Variants in ZNF331 observed in about 807,000 individuals in gnomAD.
The protein encoded by ZNF331 is C2H2-like zinc finger protein rearranged in thyroid adenomas.
In ZNF331, 2 loss-of-function variants were observed where a neutral mutation model predicts 7.0. The observed-to-expected ratio is 0.29, with a 90% CI of 0.12 to 0.90. The LOEUF is 0.90. Among genes scored for constraint, ZNF331 ranks in the 40% least tolerant of loss-of-function variants. The pLI is 0.58. For synonymous variants in ZNF331, 196 were observed against 205.4 expected (o/e 0.95, Z 0.39); for missense variants, 432 against 587.7 (o/e 0.74, Z 2.74).
intron 2 of ZNF331, among the ~76,000 whole-genome samples, chr19:53,526,861 A>C (rs932269648): frequency 2.0e-5 from 3 of 151,284 alleles, no homozygotes; most frequent in African/African-American, 7.3e-5. Flanking sequence ...CCGGGAACTA[A>C]TTTTTTTTAT....
chr19:53,519,487 T>G (rs1343402152), upstream of ZNF331, among the ~76,000 whole-genome samples: 1 of 152,108 alleles, frequency 6.6e-6, no homozygotes, highest in Non-Finnish European at 1.5e-5. Flanking sequence ...AAGGCCCAAC[T>G]ACAAAAACCA....
In ZNF331 at chr19:53,539,929, G is replaced by A. The variant is rs10420606; in HGVS notation, c.-138+647G>A. On this transcript the variant is annotated intron_variant, in intron 2 of 5. Transcript: ENST00000449416. The surrounding 1 kb of genome is among the most constrained non-coding windows in gnomAD (Gnocchi z 6.1). ...CAAAGAAGTAAGTTTAGTTATAACC[G>A]TAAGAAAGAAAAATGCACCTGACAT... 0.37 allele frequency among the ~76,000 whole-genome samples: 56,855 copies of A among 152,008 alleles called. 10,964 individuals are homozygous for A. Among genetic ancestry groups the A allele is most frequent in the African/African-American group, 0.47 (19,566 of 41,428 alleles).
chr19:53,548,385 A>G (rs2088765785), intron 2 of ZNF331, among the ~76,000 whole-genome samples: 1 of 152,116 alleles, frequency 6.6e-6, no homozygotes, highest in Admixed American at 6.6e-5. Flanking sequence ...TGCTGGGATT[A>G]CAGGTGTGAG....
chr19:53,545,829 C>T lies in ZNF331; in HGVS notation c.-138+6547C>T, dbSNP rs140171345. On this transcript the variant is annotated intron_variant, in intron 2 of 5. Transcript: ENST00000449416. ...TTCAAGCCGGACGTGTTCTCCGTAC[C>T]GGCTCCTGTGTCACAGTAACGGGAA... Among the ~76,000 whole-genome samples, 537 of 152,262 alleles carry T rather than the reference C, an allele frequency of 3.5e-3. 4 individuals are homozygous for T. Among genetic ancestry groups the T allele is most frequent in the African/African-American group, 0.012 (519 of 41,564 alleles).
chr19:53,559,706 T>C lies in ZNF331; in HGVS notation c.-74+3798T>C, dbSNP rs151052571. Among the ~76,000 whole-genome samples the C allele has an allele frequency of 5.0e-3, 701 of 141,228 alleles. 7 individuals are homozygous for C. The highest frequency in any genetic ancestry group is 0.018 in the African/African-American group (673 of 36,544). The allele number at this position is 141,228 out of a possible 152,430, so 92.7% of individuals were successfully genotyped here. A position where few individuals can be genotyped will look rare whatever the true frequency, so the allele number is the denominator to read the frequency against. On this transcript the variant is annotated intron_variant, in intron 3 of 5. Transcript: ENST00000449416. ...TACACACATATACACACCCCATATATACACAGATATACACACCTACATATA... is the reference window on the plus strand; with the variant it reads ...TACACACATATACACACCCCATATACACACAGATATACACACCTACATATA...
At chr19:53,561,320 G>A (rs558866178) in intron 3 of ZNF331, among the ~76,000 whole-genome samples, 24 of 124,868 alleles carry the variant, frequency 1.9e-4, no homozygotes, top group African/African-American at 6.7e-4. Flanking sequence ...TGGGATTAAT[G>A]CAGGCCTGCT....
upstream of ZNF331, among the ~76,000 whole-genome samples, chr19:53,515,611 C>A (rs1022894886): frequency 6.6e-6 from 1 of 152,238 alleles, no homozygotes; most frequent in Non-Finnish European, 1.5e-5. Flanking sequence ...AATTCTCCTG[C>A]CTCAGCCTCC....
chr19:53,511,156 G>T, the ZNF331 span, among the ~76,000 whole-genome samples: 5 of 152,138 alleles, frequency 3.3e-5, no homozygotes, highest in East Asian at 7.7e-4. Flanking sequence ...TCTAACCCAC[G>T]CATGCAGCAA....
At chr19:53,530,349 T>A (rs1264844604) in intron 2 of ZNF331, among the ~76,000 whole-genome samples, 1 of 149,878 alleles carries the variant, frequency 6.7e-6, no homozygotes, top group African/African-American at 2.5e-5. Context: ...GGGATGACAG[T>A]TCACCTCCCA....
At chr19:53,546,012 G>T (rs1433385405) in intron 2 of ZNF331, among the ~76,000 whole-genome samples, 2 of 151,946 alleles carry the variant, frequency 1.3e-5, no homozygotes, top group Non-Finnish European at 2.9e-5. Flanking sequence ...ATTGGTTTCG[G>T]CTGTGGCCTG....
chr19:53,508,916 G>A, the ZNF331 span, among the ~76,000 whole-genome samples: 26 of 152,180 alleles, frequency 1.7e-4, no homozygotes, highest in African/African-American at 6.3e-4. Flanking sequence ...TGATTCTGTG[G>A]AGGGAGAGGG....
exon 1 of ZNF331, chr19:53,521,321 AGTGTGTGTGAGTGTGTGTGT>A (rs2087070112): frequency 1.1e-5 from 1 of 89,754 alleles, no homozygotes; most frequent in South Asian, 3.5e-4. Context: ...GGGAAGTGGG[AGTGTGTGTGAGTGTGTGTGT>A]GTGTGTGTGT....
chr19:53,529,200 G>A (rs946951089), intron 2 of ZNF331, among the ~76,000 whole-genome samples: 1 of 152,054 alleles, frequency 6.6e-6, no homozygotes, highest in African/African-American at 2.4e-5. Context: ...AGGAGATCGA[G>A]ACCATCCTGG....
intron 2 of ZNF331, among the ~76,000 whole-genome samples, chr19:53,545,388 A>G (rs757784968): frequency 6.6e-6 from 1 of 152,222 alleles, no homozygotes; most frequent in Non-Finnish European, 1.5e-5. Flanking sequence ...ACAATCCAGC[A>G]AGCAAGGGGC....
At chr19:53,506,368 T>C in the ZNF331 span, among the ~76,000 whole-genome samples, 78 of 108,086 alleles carry the variant, frequency 7.2e-4, no homozygotes, top group Non-Finnish European at 9.2e-4. Context: ...GAATCACACC[T>C]CCCCCATTGT....
At chr19:53,541,269 C>G (rs1034256229) in intron 2 of ZNF331, among the ~76,000 whole-genome samples, 13 of 151,936 alleles carry the variant, frequency 8.6e-5, no homozygotes, top group African/African-American at 3.1e-4. Context: ...CCACACCCAG[C>G]TAATTTTGTA....
intron 5 of ZNF331, among the ~76,000 whole-genome samples, chr19:53,575,120 G>A (rs1056257833): frequency 6.6e-6 from 1 of 150,868 alleles, no homozygotes; most frequent in Admixed American, 6.6e-5. Context: ...TATTTTTTTT[G>A]TAGAGACAGG....
chr19:53,525,965 G>T (rs1379731387), intron 2 of ZNF331, among the ~76,000 whole-genome samples: 1 of 152,138 alleles, frequency 6.6e-6, no homozygotes, highest in African/African-American at 2.4e-5. Context: ...TACCTAATCT[G>T]TTGAGAGTTT....
At position 53,550,529 on chromosome 19, in the gene ZNF331, C is replaced by CTTTTTTTTTTTTTTT. The variant is rs60619357; in HGVS notation, c.-137-5305_-137-5291dup. Among the ~76,000 whole-genome samples the CTTTTTTTTTTTTTTT allele has an allele frequency of 6.8e-4, 44 of 64,548 alleles. 2 individuals are homozygous for CTTTTTTTTTTTTTTT. The highest frequency in any genetic ancestry group is 6.5e-4 in the African/African-American group (10 of 15,448). The allele number at this position is 64,548 out of a possible 152,430, so 42.3% of individuals were successfully genotyped here. On this transcript the variant is annotated intron_variant, in intron 2 of 5. Transcript: ENST00000449416. ...GTTTTTGATTTAAAGTCTATTTTGTCTTTTTTTTTTTTTTTTTTTTTTTTT... is the reference window on the plus strand; with the variant it reads ...GTTTTTGATTTAAAGTCTATTTTGTCTTTTTTTTTTTTTTTTTTTTTTTTTTTTTTTTTTTTTTTT...
Sources: gnomAD v4.1 joint callset for allele counts (sites outside exome capture counted in the v4.1 genomes callset) on GRCh38, gnomAD v4.1.1 for gene constraint, Gnocchi (gnomAD v3.1) non-coding constraint, MANE v1.5 for transcripts, NCBI Gene and HGNC (gene_info 2026-07-23, HGNC 2026-07-21) for gene names.